CTNNA3: variants seen among roughly 807,000 people sequenced by gnomAD.
CTNNA3 encodes catenin alpha 3.
Under a neutral mutation model 95.7 loss-of-function variants are expected in CTNNA3, and 76 were observed. The observed-to-expected ratio is 0.79, with a 90% confidence interval of 0.66 to 0.96. The LOEUF is 0.96. Ranked by LOEUF, CTNNA3 falls within the 40% of genes least tolerant of loss-of-function variation. The pLI is 0.00. For missense variants in CTNNA3, 1,191 were observed against 1,089.8 expected, an observed-to-expected ratio of 1.09 and a Z score of -1.31; for synonymous variants, 431 against 374.4, an observed-to-expected ratio of 1.15 and a Z score of -1.74.
chr10:67,123,931 C>T (rs1200500010), intron 7 of CTNNA3, among the ~76,000 whole-genome samples: 1 of 152,114 alleles, frequency 6.6e-6, no homozygotes, highest in Non-Finnish European at 1.5e-5. Context: ...AAACTAGAAT[C>T]TAGCATCAAA....
At chr10:67,623,480 T>C (rs1001356008) in intron 2 of CTNNA3, among the ~76,000 whole-genome samples, 2 of 152,080 alleles carry the variant, frequency 1.3e-5, no homozygotes, top group African/African-American at 4.8e-5. Flanking sequence ...GCAGAGAGGT[T>C]CTTCATAGGA....
chr10:66,530,939 G>A (rs577171229), intron 10 of CTNNA3, among the ~76,000 whole-genome samples: 4 of 152,038 alleles, frequency 2.6e-5, no homozygotes, highest in Non-Finnish European at 5.9e-5. Flanking sequence ...ATAAATTTTC[G>A]TATCTCATAA....
intron 13 of CTNNA3, among the ~76,000 whole-genome samples, chr10:66,244,595 G>C (rs1445070389): frequency 7.6e-6 from 1 of 131,312 alleles, no homozygotes; most frequent in African/African-American, 2.8e-5. Context: ...AAAACAATCT[G>C]CCTGGTAATT....
At chr10:66,240,180 T>C (rs929343861) in intron 13 of CTNNA3, among the ~76,000 whole-genome samples, 1 of 152,028 alleles carries the variant, frequency 6.6e-6, no homozygotes, top group Non-Finnish European at 1.5e-5. Flanking sequence ...TAATTGCCAC[T>C]TTCTACCTTT....
At position 66,379,287 on chromosome 10, in the gene CTNNA3, A is replaced by T; in HGVS notation, c.1597T>A (p.Leu533Ile). ...CTGATAGCACCCGCAGCACGGTCTAAATTATCAGCATCCTGGTCTCTTAAG... is the reference window on the plus strand; with the variant it reads ...CTGATAGCACCCGCAGCACGGTCTATATTATCAGCATCCTGGTCTCTTAAG... ...IALRDQDADN[L>I]DRAAGAIRGR... Residue 533 changes from leucine to isoleucine, a missense_variant, in exon 12 of 18, where the codon TTA becomes ATA. Coordinates refer to ENST00000433211, the MANE Select transcript of CTNNA3 (RefSeq NM_013266.4). 6.2e-7 allele frequency: 1 copy of T among 1,614,138 alleles called. No individual in the cohort carries two copies. Among genetic ancestry groups the T allele is most frequent in the Non-Finnish European group, 8.5e-7 (1 of 1,179,996 alleles).
intron 9 of CTNNA3, among the ~76,000 whole-genome samples, chr10:66,758,856 A>G (rs1449146412): frequency 6.6e-6 from 1 of 152,104 alleles, no homozygotes; most frequent in African/African-American, 2.4e-5. Context: ...AATCTCTTGA[A>G]TCCAGGAGGC....
intron 7 of CTNNA3, among the ~76,000 whole-genome samples, chr10:66,913,825 T>C (rs549101254): frequency 6.6e-6 from 1 of 152,318 alleles, no homozygotes; most frequent in East Asian, 1.9e-4. Context: ...GAGTTTATTT[T>C]CTGGCAAATT....
chr10:66,737,851 G>T (rs890932444), intron 9 of CTNNA3, among the ~76,000 whole-genome samples: 1 of 151,948 alleles, frequency 6.6e-6, no homozygotes, highest in African/African-American at 2.4e-5. Flanking sequence ...TAGACATGGG[G>T]TTTCACCATG....
intron 7 of CTNNA3, among the ~76,000 whole-genome samples, chr10:66,875,862 T>C (rs1844597996): frequency 6.6e-6 from 1 of 152,124 alleles, no homozygotes; most frequent in Non-Finnish European, 1.5e-5. Flanking sequence ...AAAGAGTCCT[T>C]AAAGCATAAG....
At chr10:67,444,642 A>T (rs1479051198) in intron 5 of CTNNA3, among the ~76,000 whole-genome samples, 1 of 152,082 alleles carries the variant, frequency 6.6e-6, no homozygotes, top group East Asian at 1.9e-4. Flanking sequence ...AAATTGACAA[A>T]CTTTTAGCCA....
At chr10:66,982,674 T>C (rs1041184762) in intron 7 of CTNNA3, among the ~76,000 whole-genome samples, 3 of 151,856 alleles carry the variant, frequency 2.0e-5, no homozygotes, top group African/African-American at 7.3e-5. Context: ...ATAAAAGAGA[T>C]CAATGAATAG....
At chr10:66,403,971 A>T (rs193090315) in intron 11 of CTNNA3, among the ~76,000 whole-genome samples, 48 of 152,300 alleles carry the variant, frequency 3.2e-4, no homozygotes, top group Admixed American at 1.0e-3. Flanking sequence ...CACAAGATAG[A>T]TGTAATTTCT....
At chr10:67,426,172 T>C (rs989627270) in intron 5 of CTNNA3, among the ~76,000 whole-genome samples, 6 of 151,980 alleles carry the variant, frequency 3.9e-5, no homozygotes, top group African/African-American at 1.2e-4. Flanking sequence ...TGAACTAACA[T>C]ATGAAGAGAT....
At chr10:67,608,662 G>A (rs1843355768) in intron 2 of CTNNA3, among the ~76,000 whole-genome samples, 1 of 151,770 alleles carries the variant, frequency 6.6e-6, no homozygotes, top group South Asian at 2.1e-4. Context: ...ATTTAATAAA[G>A]CTTGGGGAAA....
chr10:66,027,792 T>C (rs1245352203), intron 15 of CTNNA3, among the ~76,000 whole-genome samples: 5 of 152,156 alleles, frequency 3.3e-5, no homozygotes, highest in African/African-American at 1.2e-4. Context: ...CCCACTCCAA[T>C]TTCCCTCCTT....
At chr10:67,399,592 G>C (rs555508579) in intron 5 of CTNNA3, among the ~76,000 whole-genome samples, 4 of 152,136 alleles carry the variant, frequency 2.6e-5, no homozygotes, top group South Asian at 2.1e-4. Context: ...GTTTTTTCCA[G>C]GTAGAACACC....
At chr10:67,372,249 A>G (rs1167662977) in intron 5 of CTNNA3, among the ~76,000 whole-genome samples, 7 of 152,084 alleles carry the variant, frequency 4.6e-5, no homozygotes, top group Non-Finnish European at 4.4e-5. Context: ...CCATTTGTCA[A>G]TTTTGGCTTT....
Position 66,100,656 on chromosome 10 carries a change from A to T in CTNNA3, c.1977+2501T>A, listed in dbSNP as rs117844314. ...TTAGAAGCAGTGGCTTCTATGAAAA[A>T]TTCTTAAGATTCAGAATCATAGAGA... is the stretch of plus-strand genomic sequence containing the variant. On this transcript the variant is annotated intron_variant, in intron 14 of 17. Transcript: ENST00000433211. Among the ~76,000 whole-genome samples the T allele has an allele frequency of 1.1e-3, 170 of 152,270 alleles. 3 individuals are homozygous for T. In the East Asian group the frequency reaches 0.018, roughly 16 times the overall value.
At chr10:67,384,776 A>T (rs1844083253) in intron 5 of CTNNA3, among the ~76,000 whole-genome samples, 1 of 152,234 alleles carries the variant, frequency 6.6e-6, no homozygotes, top group Non-Finnish European at 1.5e-5. Flanking sequence ...ATGGAATGAG[A>T]GGAAGAAATT....
Sources: gnomAD v4.1 joint callset for allele counts (sites outside exome capture counted in the v4.1 genomes callset) on GRCh38, gnomAD v4.1.1 for gene constraint, MANE v1.5 for transcripts, NCBI Gene and HGNC (gene_info 2026-07-23, HGNC 2026-07-21) for gene names.